The following MAPK8 variants were observed in gnomAD, a reference collection of about 807,000 sequenced individuals.
MAPK8 encodes JUN N-terminal kinase.
In MAPK8, 13 loss-of-function variants were observed where a neutral mutation model predicts 52.9. That is an observed-to-expected ratio of 0.25 (90% CI 0.16 to 0.39). MAPK8 has a LOEUF of 0.39. MAPK8 is among the 10% of genes least tolerant of loss of function. MAPK8 has a pLI of 1.00. For synonymous variants in MAPK8, 191 were observed against 169.8 expected, an observed-to-expected ratio of 1.12 and a Z score of -0.97; for missense variants, 300 against 519.2, an observed-to-expected ratio of 0.58 and a Z score of 4.10.
chr10:48,419,821 T>C (rs991058606), intron 5 of MAPK8, among the ~76,000 whole-genome samples: 9 of 152,362 alleles, frequency 5.9e-5, no homozygotes, highest in African/African-American at 1.7e-4. Context: ...TGCTAACTTA[T>C]GACTTTCTTT....
chr10:48,323,263 C>T (rs140357398), intron 1 of MAPK8, among the ~76,000 whole-genome samples: 2,667 of 152,222 alleles, frequency 0.018, 292 homozygotes, highest in Admixed American at 0.16. Context: ...GTATCAAAGG[C>T]GCTGACATAT....
intron 1 of MAPK8, among the ~76,000 whole-genome samples, chr10:48,391,143 G>T (rs1176714297): frequency 6.6e-6 from 1 of 152,192 alleles, no homozygotes; most frequent in Non-Finnish European, 1.5e-5. Context: ...TGGTAGTTTA[G>T]CTGTGTTGAC....
chr10:48,413,742 T>C (rs1460982496), intron 5 of MAPK8, among the ~76,000 whole-genome samples: 1 of 146,898 alleles, frequency 6.8e-6, no homozygotes, highest in Non-Finnish European at 1.5e-5. Context: ...AATAAACTGC[T>C]GTTATTACCA....
At chr10:48,369,964 A>C (rs187262809) in intron 1 of MAPK8, among the ~76,000 whole-genome samples, 1 of 152,188 alleles carries the variant, frequency 6.6e-6, no homozygotes, top group South Asian at 2.1e-4. Flanking sequence ...AAATATAAAC[A>C]GTGCTTGAGC....
At position 48,373,571 on chromosome 10, in the gene MAPK8, C is replaced by CAAAAAAAAAAAAAAAAAA. The variant is rs539162576; in HGVS notation, c.-49-28031_-49-28014dup. On this transcript the variant is annotated intron_variant, in intron 1 of 11. Coordinates refer to ENST00000374189, the MANE Select transcript of MAPK8 (RefSeq NM_001323329.2). ...GAAGATTTACCAAGTAAATTGAAAG[C>CAAAAAAAAAAAAAAAAAA]AAAAAAAAAAAAAAAAAAAAAAAAA... 1.5e-3 allele frequency among the ~76,000 whole-genome samples: 25 copies of CAAAAAAAAAAAAAAAAAA among 16,844 alleles called. 7 individuals are homozygous for CAAAAAAAAAAAAAAAAAA. The highest frequency in any genetic ancestry group is 3.0e-3 in the African/African-American group (19 of 6,372). The allele number at this position is 16,844 out of a possible 152,430, so 11.1% of individuals were successfully genotyped here. A position where few individuals can be genotyped will look rare whatever the true frequency, so the allele number is the denominator to read the frequency against.
At chr10:48,393,959 A>T (rs1415276986) in intron 1 of MAPK8, among the ~76,000 whole-genome samples, 3 of 151,932 alleles carry the variant, frequency 2.0e-5, no homozygotes, top group African/African-American at 7.2e-5. Flanking sequence ...AAAAGAAGAC[A>T]CAAATGAGAT....
chr10:48,400,184 C>T (rs1294634590), intron 1 of MAPK8, among the ~76,000 whole-genome samples: 7 of 152,208 alleles, frequency 4.6e-5, no homozygotes, highest in Non-Finnish European at 1.0e-4. Context: ...TTATTATGGG[C>T]TGTCCACTTA....
intron 1 of MAPK8, among the ~76,000 whole-genome samples, chr10:48,310,774 C>T (rs7912697): frequency 0.71 from 108,431 of 151,814 alleles, 39,065 homozygotes; most frequent in African/African-American, 0.81. Context: ...TACGTATGTG[C>T]ATGGAGAGAG....
chr10:48,399,000 T>C (rs1278750807), intron 1 of MAPK8, among the ~76,000 whole-genome samples: 2 of 152,204 alleles, frequency 1.3e-5, no homozygotes, highest in Non-Finnish European at 2.9e-5. Context: ...TTAGGTCCTT[T>C]GCATTCGATT....
At chr10:48,341,103 A>G (rs145150996) in intron 1 of MAPK8, among the ~76,000 whole-genome samples, 49 of 152,360 alleles carry the variant, frequency 3.2e-4, no homozygotes, top group African/African-American at 8.9e-4. Flanking sequence ...ACCATGTTAG[A>G]AGCAGAAGTT....
At position 48,306,792 on chromosome 10, in the gene MAPK8, C is replaced by T. The variant is rs1393928627; in HGVS notation, c.-79C>T. On this transcript the variant is annotated 5_prime_UTR_variant, in exon 1 of 12. Transcript: ENST00000374189. ...GACGGCCCCTGTCCCCGCTGGCGGG[C>T]TTCCCTGTCGCCGTTCGCTGCGCTG... The T allele has an allele frequency of 2.6e-5, 4 of 151,558 alleles. No individual in the cohort carries two copies. The highest frequency in any genetic ancestry group is 5.9e-5 in the Non-Finnish European group (4 of 67,860). 9.4% of individuals were successfully genotyped at this position (151,558 alleles called of 1,614,324 possible). A position where few individuals can be genotyped will look rare whatever the true frequency, so the allele number is the denominator to read the frequency against.
chr10:48,338,991 T>C (rs1844969965), intron 1 of MAPK8, among the ~76,000 whole-genome samples: 1 of 152,134 alleles, frequency 6.6e-6, no homozygotes, highest in Non-Finnish European at 1.5e-5. Context: ...ATCAACATTG[T>C]TAAATGACCA....
intron 1 of MAPK8, among the ~76,000 whole-genome samples, chr10:48,322,580 G>A (rs1032886514): frequency 1.3e-5 from 2 of 152,102 alleles, no homozygotes; most frequent in African/African-American, 4.8e-5. Context: ...TTACTTCTAG[G>A]TATGACCCCT....
At chr10:48,387,488 G>A (rs1026653538) in intron 1 of MAPK8, among the ~76,000 whole-genome samples, 4 of 152,080 alleles carry the variant, frequency 2.6e-5, no homozygotes, top group Non-Finnish European at 5.9e-5. Flanking sequence ...ATAAAATTGT[G>A]TAAGATTTTA....
rs1353720299 is a variant in MAPK8 at position 48,434,941 on chromosome 10, T to C, written c.1196T>C (p.Val399Ala). 1.2e-6 allele frequency: 2 copies of C among 1,613,444 alleles called. No individual in the cohort carries two copies. Among genetic ancestry groups the C allele is most frequent in the East Asian group, 2.2e-5 (1 of 44,878 alleles). The change falls in exon 12 of 12, where the codon GTG becomes GCG. Residue 399 changes from valine (V) to alanine (A), a missense_variant. Around this residue, in one of 3 missense-constraint regions of MAPK8, gnomAD observed 119 missense variants for 154.4 expected, o/e 0.77. Coordinates refer to ENST00000374189, the MANE Select transcript of MAPK8 (RefSeq NM_001323329.2). ...TCATCATCGTCGTCTGTCAATGATG[T>C]GTCTTCAATGTCAACAGATCCGACT... ...HPSSSSSVND[V>A]SSMSTDPTLA...
intron 1 of MAPK8, among the ~76,000 whole-genome samples, chr10:48,382,674 C>T (rs893604136): frequency 6.6e-6 from 1 of 150,954 alleles, no homozygotes; most frequent in Non-Finnish European, 1.5e-5. Context: ...TTCAATTTTA[C>T]GTTATCTTTG....
chr10:48,379,180 ATTC>A (rs1365917225), intron 1 of MAPK8, among the ~76,000 whole-genome samples: 1 of 152,210 alleles, frequency 6.6e-6, no homozygotes, highest in Admixed American at 6.5e-5. Flanking sequence ...AGTTTGGTGA[ATTC>A]TTCTCTTCTT....
At chr10:48,321,715 T>C (rs369811007) in intron 1 of MAPK8, among the ~76,000 whole-genome samples, 1 of 152,244 alleles carries the variant, frequency 6.6e-6, no homozygotes, top group Non-Finnish European at 1.5e-5. Context: ...TGTGAGGTAA[T>C]TCTTTTGCAT....
Position 48,435,035 on chromosome 10 carries a change from TG to T in MAPK8, c.*9del. ...CTCTGGGCTGCTGTAGATGACTACT[TG>T]GGCCATCGGGGGGTGGGAGGGATGG... On this transcript the variant is annotated 3_prime_UTR_variant, in exon 12 of 12. Transcript: ENST00000374189. The T allele has an allele frequency of 2.2e-6, 1 of 461,236 alleles. No individual in the cohort carries two copies. Among genetic ancestry groups the T allele is most frequent in the Non-Finnish European group, 3.7e-6 (1 of 268,128 alleles). 28.6% of individuals were successfully genotyped at this position (461,236 alleles called of 1,614,324 possible).
Sources: gnomAD v4.1 joint callset for allele counts (sites outside exome capture counted in the v4.1 genomes callset) on GRCh38, gnomAD v4.1.1 for gene constraint, gnomAD v4.1.1 regional missense constraint, MANE v1.5 for transcripts, NCBI Gene and HGNC (gene_info 2026-07-23, HGNC 2026-07-21) for gene names.